DNAH6: variants seen among roughly 807,000 people sequenced by gnomAD.
The protein encoded by DNAH6 is dynein axonemal heavy chain 6, also known as axonemal beta dynein heavy chain 6.
DNAH6 carries 340 observed loss-of-function variants against 491.4 expected under a neutral mutation model. The observed-to-expected ratio is 0.69, with a 90% CI of 0.63 to 0.76. The LOEUF (loss-of-function observed/expected upper bound fraction) is 0.76. Among genes scored for constraint, DNAH6 ranks in the 30% least tolerant of loss-of-function variants. The pLI is 0.00. For synonymous variants in DNAH6, 1,603 were observed against 1,686.1 expected (o/e 0.95, Z 1.21); for missense variants, 4,443 against 4,972.2 (o/e 0.89, Z 3.20).
At position 84,784,868 on chromosome 2, in the gene DNAH6, A is replaced by C. The variant is rs187757757; in HGVS notation, c.10953+58A>C. 4.9e-6 allele frequency: 6 copies of C among 1,216,112 alleles called. No individual in the cohort carries two copies. In the East Asian group the frequency reaches 1.5e-4, roughly 31 times the overall value. 75.3% of individuals were successfully genotyped at this position (1,216,112 alleles called of 1,614,324 possible). ...ATGGTTGGTTTCAGAATATTCACCT[A>C]GTGCCTCCCAGGAGATCAGAGCCTG... On this transcript the variant is annotated intron_variant, in intron 66 of 76. Transcript: ENST00000389394.
intron 21 of DNAH6, among the ~76,000 whole-genome samples, chr2:84,608,113 CTATT>C (rs1371301388): frequency 6.6e-6 from 1 of 152,202 alleles, no homozygotes; most frequent in Admixed American, 6.6e-5. Flanking sequence ...AAGTCCTTAT[CTATT>C]CAAGTTTTAT....
upstream of DNAH6, among the ~76,000 whole-genome samples, chr2:84,515,510 A>G (rs1411515187): frequency 6.6e-6 from 1 of 152,252 alleles, no homozygotes; most frequent in African/African-American, 2.4e-5. Context: ...ACATAACTGA[A>G]TATGTTAAGA....
chr2:84,705,825 T>C, intron 52 of DNAH6, 78 bp downstream of exon 52: 1 of 1,444,446 alleles, frequency 6.9e-7, no homozygotes, highest in Non-Finnish European at 9.2e-7. Flanking sequence ...TGTATAATGT[T>C]ACTGTGGTCC....
At chr2:84,694,029 C>G (rs1457718341) in intron 45 of DNAH6, among the ~76,000 whole-genome samples, 1 of 152,206 alleles carries the variant, frequency 6.6e-6, no homozygotes, top group African/African-American at 2.4e-5. Flanking sequence ...AGGGCCGAGA[C>G]CCAACAGCCT....
intron 47 of DNAH6, among the ~76,000 whole-genome samples, chr2:84,699,222 A>G (rs999334791): frequency 6.6e-6 from 1 of 152,092 alleles, no homozygotes. Context: ...ATACCATGCA[A>G]CTTCTGCCAG....
chr2:84,640,688 T>C, intron 32 of DNAH6, 110 bp downstream of exon 32: 1 of 1,064,910 alleles, frequency 9.4e-7, no homozygotes, highest in Non-Finnish European at 1.3e-6. Flanking sequence ...AAATGTTGGC[T>C]GCTGCTGTTG....
rs1369174049 is a variant in DNAH6 at position 84,699,738 on chromosome 2, G to A, written c.7818+4G>A. On this transcript the variant is annotated splice_donor_region_variant and intron_variant, in intron 48 of 76. Coordinates refer to ENST00000389394, the MANE Select transcript of DNAH6 (RefSeq NM_001370.2). Reference sequence around the variant, plus strand: ...CACCATTGACTGGTTTGTGCAGGTTGGTGACATCCCAGGATATCTCTTTGA... The same window carrying A: ...CACCATTGACTGGTTTGTGCAGGTTAGTGACATCCCAGGATATCTCTTTGA... 3 of 1,550,098 alleles carry A rather than the reference G, an allele frequency of 1.9e-6. No homozygotes were observed. Among genetic ancestry groups the A allele is most frequent in the Non-Finnish European group, 2.6e-6 (3 of 1,146,370 alleles).
chr2:84,811,859 CAAAA>C (rs34583430), intron 72 of DNAH6, among the ~76,000 whole-genome samples: 3 of 104,956 alleles, frequency 2.9e-5, no homozygotes, highest in African/African-American at 3.2e-5. Context: ...GATTCTGTCT[CAAAA>C]AAAAAAAAAA....
chr2:84,661,272 T>A (rs1204265441), intron 37 of DNAH6, among the ~76,000 whole-genome samples: 1 of 152,082 alleles, frequency 6.6e-6, no homozygotes, highest in Non-Finnish European at 1.5e-5. Flanking sequence ...ACAACCCAGT[T>A]TTTAAAAAGG....
the DNAH6 span, among the ~76,000 whole-genome samples, chr2:84,511,263 T>C: frequency 6.6e-6 from 1 of 152,170 alleles, no homozygotes; most frequent in African/African-American, 2.4e-5. Context: ...TACTCAAGCT[T>C]CGGCAATGGC....
chr2:84,708,446 AAGAAAGAG>A (rs1696684786), intron 54 of DNAH6, among the ~76,000 whole-genome samples: 1 of 131,686 alleles, frequency 7.6e-6, no homozygotes, highest in South Asian at 3.0e-4. Flanking sequence ...ACTCTGAAGA[AAGAAAGAG>A]AGAAAGAGAA....
chr2:84,816,279 GAATT>G (rs1262661212), intron 76 of DNAH6, among the ~76,000 whole-genome samples, 196 bp downstream of exon 76: 6 of 152,074 alleles, frequency 3.9e-5, no homozygotes, highest in African/African-American at 1.4e-4. Flanking sequence ...TAATATTATA[GAATT>G]AATTCTTGCT....
rs150860106 is a variant in DNAH6, at chr2:84,552,958, T to A, written c.1526T>A (p.Leu509His). ...GAAAAGCAAGAAGAAGATGAATCTC[T>A]CATCCCCATGTTTCTCACAGAACTA... Reference protein sequence around the residue: ...MVEKQEEDESLIPMFLTELML... With the variant: ...MVEKQEEDESHIPMFLTELML... Residue 509 changes from leucine (L) to histidine (H), a missense_variant, in exon 10 of 77, where the codon CTC becomes CAC. By Grantham distance (99) the Leu-to-His change is moderately conservative. Transcript: ENST00000389394. 6.2e-6 allele frequency: 10 copies of A among 1,612,220 alleles called. No homozygotes were observed. The highest frequency in any genetic ancestry group is 1.6e-4 in the Middle Eastern group (1 of 6,080).
At chr2:84,548,265 G>A (rs758806535) in intron 7 of DNAH6, 23 bp from the exon 8 acceptor site, 20 of 1,595,120 alleles carry the variant, frequency 1.3e-5, no homozygotes, top group Non-Finnish European at 1.7e-5. Context: ...TACACTTGTT[G>A]TTGTTCCTTC....
At chr2:84,487,384 C>A in the DNAH6 span, among the ~76,000 whole-genome samples, 2 of 152,172 alleles carry the variant, frequency 1.3e-5, no homozygotes, top group Admixed American at 1.3e-4. Context: ...TGGCCACAGC[C>A]TCGACTAGAA....
At chr2:84,733,300 T>C in intron 61 of DNAH6, 144 bp from the exon 62 acceptor site, 1 of 661,632 alleles carries the variant, frequency 1.5e-6, no homozygotes, top group South Asian at 2.5e-5. Flanking sequence ...CAACACCATT[T>C]CTATTTCACC....
At chr2:84,467,282 C>CT in the DNAH6 span, among the ~76,000 whole-genome samples, 11 of 152,226 alleles carry the variant, frequency 7.2e-5, no homozygotes, top group East Asian at 1.5e-3. Flanking sequence ...TTCTTACAAT[C>CT]TTTTTTTTAC....
At chr2:84,612,211 G>A (rs1686412778) in intron 22 of DNAH6, among the ~76,000 whole-genome samples, 1 of 152,058 alleles carries the variant, frequency 6.6e-6, no homozygotes, top group Non-Finnish European at 1.5e-5. Flanking sequence ...TTCGGTTGAT[G>A]TATTCAGTTA....
At chr2:84,571,097 A>G (rs969828633) in intron 11 of DNAH6, among the ~76,000 whole-genome samples, 2 of 152,228 alleles carry the variant, frequency 1.3e-5, no homozygotes, top group African/African-American at 4.8e-5. Context: ...TTTGAATAAA[A>G]TGAGAATATA....
Sources: allele counts gnomAD v4.1 joint callset (sites outside exome capture counted in the v4.1 genomes callset), GRCh38; gene constraint gnomAD v4.1.1; transcripts MANE v1.5; gene names NCBI Gene and HGNC (gene_info 2026-07-23, HGNC 2026-07-21).